Variants in CACNA2D2 observed in about 807,000 individuals in gnomAD.
The protein encoded by CACNA2D2 is calcium voltage-gated channel auxiliary subunit alpha2delta 2, also known as voltage-dependent calcium channel subunit alpha-2/delta-2.
A neutral mutation model predicts 166.4 loss-of-function variants in CACNA2D2; 48 were observed. That is an observed-to-expected ratio of 0.29 (90% confidence interval 0.23 to 0.37). The LOEUF (loss-of-function observed/expected upper bound fraction) is 0.37. Among genes scored for constraint, CACNA2D2 ranks in the 10% least tolerant of loss-of-function variants. The probability of loss-of-function intolerance (pLI) is 1.00; values close to 1 mark genes in which losing one functional copy is unlikely to be tolerated. For synonymous variants in CACNA2D2, 561 were observed against 573.7 expected, an observed-to-expected ratio of 0.98 and a Z score of 0.32; for missense variants, 1,122 against 1,433.0, an observed-to-expected ratio of 0.78 and a Z score of 3.50.
intron 3 of CACNA2D2, among the ~76,000 whole-genome samples, chr3:50,407,662 G>A (rs923235632): frequency 4.6e-5 from 7 of 152,192 alleles, no homozygotes; most frequent in South Asian, 2.1e-4. Context: ...TCCCTAACAC[G>A]GGGCTTCTAC....
chr3:50,378,805 C>T (rs1369574133), intron 13 of CACNA2D2, 110 bp downstream of exon 13: 13 of 1,323,024 alleles, frequency 9.8e-6, no homozygotes, highest in Non-Finnish European at 1.4e-5. Context: ...GGCACACTGT[C>T]TTGCAGCGGG....
At chr3:50,451,961 C>G (rs1001392782) in intron 2 of CACNA2D2, among the ~76,000 whole-genome samples, 6 of 152,212 alleles carry the variant, frequency 3.9e-5, no homozygotes, top group African/African-American at 1.4e-4. Flanking sequence ...TGGGTCCAAG[C>G]TGCACAAGTC....
chr3:50,368,465 G>T (rs1402847056), intron 23 of CACNA2D2, among the ~76,000 whole-genome samples: 1 of 152,176 alleles, frequency 6.6e-6, no homozygotes, highest in Non-Finnish European at 1.5e-5. Context: ...TCGGGCAGCT[G>T]CTTTCTCCTG....
chr3:50,411,942 G>A (rs1279452763), intron 3 of CACNA2D2, among the ~76,000 whole-genome samples: 4 of 152,172 alleles, frequency 2.6e-5, no homozygotes, highest in Non-Finnish European at 5.9e-5. Context: ...ATGGGCTGAG[G>A]GGCACCATCC....
intron 3 of CACNA2D2, among the ~76,000 whole-genome samples, chr3:50,398,790 G>C (rs1706288815): frequency 6.6e-6 from 1 of 152,220 alleles, no homozygotes; most frequent in Non-Finnish European, 1.5e-5. Context: ...CATGATAACA[G>C]CAGGCATTTC....
At chr3:50,485,429 T>C (rs1181135870) in intron 1 of CACNA2D2, among the ~76,000 whole-genome samples, 2 of 152,256 alleles carry the variant, frequency 1.3e-5, no homozygotes, top group Non-Finnish European at 2.9e-5. Context: ...CAAAATCCAA[T>C]GTGGAACCCT....
intron 3 of CACNA2D2, among the ~76,000 whole-genome samples, chr3:50,410,740 C>T (rs1012849551): frequency 3.3e-5 from 5 of 152,200 alleles, no homozygotes; most frequent in Non-Finnish European, 5.9e-5. Context: ...TGGGTGTCCA[C>T]GGAGGGAGCT....
chr3:50,370,731 C>T (rs1704613506), intron 22 of CACNA2D2, among the ~76,000 whole-genome samples: 1 of 152,020 alleles, frequency 6.6e-6, no homozygotes, highest in African/African-American at 2.4e-5. Flanking sequence ...TATATACACA[C>T]ACTGCTATAT....
At chr3:50,489,042 T>C (rs1016138826) in intron 1 of CACNA2D2, among the ~76,000 whole-genome samples, 1 of 152,080 alleles carries the variant, frequency 6.6e-6, no homozygotes, top group African/African-American at 2.4e-5. Flanking sequence ...TAGAACATCA[T>C]CTCCTGAGAA....
At chr3:50,377,179 G>A (rs1450356126) in intron 17 of CACNA2D2, among the ~76,000 whole-genome samples, 4 of 152,346 alleles carry the variant, frequency 2.6e-5, no homozygotes, top group African/African-American at 9.6e-5. Context: ...CATGCCCATT[G>A]TTTATGTTTT....
At chr3:50,475,080 A>C (rs1710251459) in intron 2 of CACNA2D2, among the ~76,000 whole-genome samples, 1 of 152,084 alleles carries the variant, frequency 6.6e-6, no homozygotes, top group South Asian at 2.1e-4. Context: ...GAGGTCCTAC[A>C]TTCACACCCA....
intron 3 of CACNA2D2, among the ~76,000 whole-genome samples, chr3:50,403,399 TATG>T (rs1706543950): frequency 6.6e-6 from 1 of 152,156 alleles, no homozygotes; most frequent in African/African-American, 2.4e-5. Flanking sequence ...TTCTTCAGTT[TATG>T]CCAACGGGCT....
In CACNA2D2 at chr3:50,471,827, G is replaced by A. The variant is rs74764336; in HGVS notation, c.288+4291C>T. Among the ~76,000 whole-genome samples the A allele has an allele frequency of 9.3e-4, 142 of 152,342 alleles. 5 individuals carry two copies. The East Asian group carries it at 0.025, about 27-fold the overall frequency. On this transcript the variant is annotated intron_variant, in intron 2 of 37. Transcript: ENST00000424201. ...ACAAATATTAATTACACATTCCTGA[G>A]GAGTGCTGAGCAGACAGGGCACAGA...
intron 2 of CACNA2D2, among the ~76,000 whole-genome samples, chr3:50,455,152 GTA>G (rs1187175150): frequency 6.6e-6 from 1 of 152,102 alleles, no homozygotes; most frequent in African/African-American, 2.4e-5. Flanking sequence ...TGCCCTCCTG[GTA>G]TACATGCAGC....
chr3:50,366,649 G>A lies in CACNA2D2; in HGVS notation c.2590-24C>T, dbSNP rs773690551. On this transcript the variant is annotated intron_variant, in intron 29 of 37. Transcript: ENST00000424201. This position sits in a 1 kb window ranked among gnomAD's most constrained non-coding sequence, Gnocchi z 5.9. The stretch of plus-strand genomic sequence containing the variant: ...CACTGCTGGGCAGAGAGTGAGGACC[G>A]TAAGCCACCCACCAGTTTTCCTCCC... 4.3e-6 allele frequency: 7 copies of A among 1,613,294 alleles called. No individual in the cohort carries two copies. The highest frequency in any genetic ancestry group is 1.1e-5 in the South Asian group (1 of 91,056).
In CACNA2D2 at chr3:50,365,094, C is replaced by T. The variant is rs1265968496; in HGVS notation, c.3189G>A (p.Leu1063=). The change falls in exon 36 of 38, where the codon CTG becomes CTA. Residue 1063 remains leucine (L), a synonymous_variant. Transcript: ENST00000424201. This position sits in a 1 kb window ranked among gnomAD's most constrained non-coding sequence, Gnocchi z 4.5. ...GGATACAGTGCGTCTCCTTCTGCAG[C>T]AGCCGGCCAGCCTCGCACTGGCTGC... ...PLCSQCEAGR[L]LQKETHSDGP... is the part of the protein sequence containing the mutation. 1 of 1,611,642 alleles carries T rather than the reference C, an allele frequency of 6.2e-7. No homozygotes were observed. Among genetic ancestry groups the T allele is most frequent in the African/African-American group, 1.3e-5 (1 of 74,888 alleles).
chr3:50,497,388 G>C (rs1206019560), intron 1 of CACNA2D2, among the ~76,000 whole-genome samples: 1 of 152,248 alleles, frequency 6.6e-6, no homozygotes, highest in Non-Finnish European at 1.5e-5. Context: ...GGGGCTTTCA[G>C]AACTCCTTTG....
At chr3:50,433,783 T>G (rs1343362295) in intron 3 of CACNA2D2, among the ~76,000 whole-genome samples, 1 of 151,998 alleles carries the variant, frequency 6.6e-6, no homozygotes, top group African/African-American at 2.4e-5. Context: ...GCACAACCTC[T>G]CTGAATATAG....
intron 1 of CACNA2D2, among the ~76,000 whole-genome samples, chr3:50,487,431 A>G (rs1214070904): frequency 6.6e-6 from 1 of 152,178 alleles, no homozygotes; most frequent in African/African-American, 2.4e-5. Context: ...AGGGAGCCTG[A>G]GCCAGGTATG....
Sources: gnomAD v4.1 joint callset for allele counts (sites outside exome capture counted in the v4.1 genomes callset) on GRCh38, gnomAD v4.1.1 for gene constraint, Gnocchi (gnomAD v3.1) non-coding constraint, MANE v1.5 for transcripts, NCBI Gene and HGNC (gene_info 2026-07-23, HGNC 2026-07-21) for gene names.